The following DLG2 variants were observed in gnomAD, a reference collection of about 807,000 sequenced individuals.
The protein encoded by DLG2 is discs large MAGUK scaffold protein 2.
DLG2 carries 45 observed loss-of-function variants against 132.5 expected under a neutral mutation model. That is an observed-to-expected ratio of 0.34 (90% confidence interval 0.27 to 0.44). The LOEUF (loss-of-function observed/expected upper bound fraction) is 0.44. Among genes scored for constraint, DLG2 ranks in the 20% least tolerant of loss-of-function variants. The probability of loss-of-function intolerance (pLI) is 1.00; values close to 1 mark genes in which losing one functional copy is unlikely to be tolerated. For missense variants in DLG2, 1,045 were observed against 1,196.9 expected (o/e 0.87, Z 1.87); for synonymous variants, 424 against 419.6 (o/e 1.01, Z -0.13).
chr11:84,424,917 G>A (rs566535193), intron 7 of DLG2, among the ~76,000 whole-genome samples: 2 of 152,116 alleles, frequency 1.3e-5, no homozygotes, highest in Admixed American at 1.3e-4. Context: ...GAGGGTCTGG[G>A]CAAGACAGAA....
At chr11:85,316,367 G>T (rs974805139) in intron 3 of DLG2, among the ~76,000 whole-genome samples, 1 of 151,958 alleles carries the variant, frequency 6.6e-6, no homozygotes, top group Non-Finnish European at 1.5e-5. Context: ...TTAGTTATTT[G>T]AGCATGAGAT....
At chr11:85,062,308 G>T (rs2064237156) in intron 6 of DLG2, among the ~76,000 whole-genome samples, 1 of 151,686 alleles carries the variant, frequency 6.6e-6, no homozygotes, top group African/African-American at 2.4e-5. Flanking sequence ...GATTTAATTT[G>T]TGTTTGATCA....
intron 6 of DLG2, among the ~76,000 whole-genome samples, chr11:85,093,079 T>C (rs2069075083): frequency 6.6e-6 from 1 of 152,232 alleles, no homozygotes; most frequent in Admixed American, 6.5e-5. Context: ...TTTTCGACTG[T>C]GGGGTGAGTT....
At chr11:84,188,222 A>G (rs1329197209) in intron 8 of DLG2, among the ~76,000 whole-genome samples, 1 of 152,104 alleles carries the variant, frequency 6.6e-6, no homozygotes, top group Non-Finnish European at 1.5e-5. Context: ...TTATATAGGG[A>G]TATATGCAAA....
intron 11 of DLG2, among the ~76,000 whole-genome samples, chr11:84,033,855 A>G (rs936994422): frequency 6.6e-6 from 1 of 152,190 alleles, no homozygotes; most frequent in Admixed American, 6.6e-5. Flanking sequence ...CCTGACCAAC[A>G]TGGAGAAACT....
chr11:85,413,296 G>A lies in DLG2; in HGVS notation c.41-127931C>T, dbSNP rs1456984840. The stretch of plus-strand genomic sequence containing the variant: ...TAGTTTGAGTTCATTGTAGATTCTA[G>A]ATATTAATCCTTTGTCTGATGTATA... On this transcript the variant is annotated intron_variant, in intron 3 of 27. Transcript: ENST00000376104. Among the ~76,000 whole-genome samples, 5 of 152,012 alleles carry A rather than the reference G, an allele frequency of 3.3e-5. No individual in the cohort carries two copies. In the East Asian group the frequency reaches 9.7e-4, roughly 29 times the overall value.
chr11:84,744,856 A>G (rs995456176), intron 6 of DLG2, among the ~76,000 whole-genome samples: 7 of 151,116 alleles, frequency 4.6e-5, no homozygotes, highest in African/African-American at 1.7e-4. Context: ...TTGAACTACG[A>G]AAGTTTCTGC....
intron 15 of DLG2, among the ~76,000 whole-genome samples, chr11:83,876,973 A>C (rs1180963520): frequency 6.6e-6 from 1 of 152,154 alleles, no homozygotes; most frequent in African/African-American, 2.4e-5. Flanking sequence ...TACGGCTTTA[A>C]TATTATAAAC....
At chr11:83,942,827 T>C (rs1166582251) in intron 14 of DLG2, among the ~76,000 whole-genome samples, 1 of 152,374 alleles carries the variant, frequency 6.6e-6, no homozygotes, top group East Asian at 1.9e-4. Context: ...TGTGAGGTAA[T>C]GAATATGTTA....
At chr11:84,996,834 C>T (rs2057698881) in intron 6 of DLG2, among the ~76,000 whole-genome samples, 1 of 152,122 alleles carries the variant, frequency 6.6e-6, no homozygotes, top group South Asian at 2.1e-4. Context: ...AGGAAGAAAG[C>T]TTTAAAATAA....
chr11:83,781,094 A>C (rs1035105112), intron 18 of DLG2, among the ~76,000 whole-genome samples: 2 of 152,238 alleles, frequency 1.3e-5, no homozygotes, highest in Non-Finnish European at 1.5e-5. Flanking sequence ...TGTAGACAAC[A>C]TTTAGTAGAA....
intron 2 of DLG2, among the ~76,000 whole-genome samples, chr11:85,611,502 A>G (rs2080997330): frequency 2.0e-5 from 3 of 152,198 alleles, no homozygotes; most frequent in Admixed American, 2.0e-4. Context: ...TTAGAAGTCC[A>G]CTTAGACTGA....
At chr11:84,923,382 C>T in intron 6 of DLG2, 2 of 1,140,250 alleles carry the variant, frequency 1.8e-6, no homozygotes, top group Non-Finnish European at 2.1e-6. Context: ...AAGTTAAGAC[C>T]TCAGTTGCTT....
intron 18 of DLG2, among the ~76,000 whole-genome samples, chr11:83,747,770 T>C (rs1217965492): frequency 4.6e-5 from 7 of 151,980 alleles, no homozygotes; most frequent in Admixed American, 2.6e-4. Context: ...TCATATGAAG[T>C]TTCTGTTTAT....
intron 6 of DLG2, among the ~76,000 whole-genome samples, chr11:84,845,682 CTTT>C (rs11411513): frequency 1.2e-4 from 16 of 138,760 alleles, no homozygotes; most frequent in Admixed American, 2.9e-4. Context: ...GATCGTCACT[CTTT>C]TTTTTTTTTT....
intron 18 of DLG2, among the ~76,000 whole-genome samples, chr11:83,633,655 A>G (rs2063986327): frequency 6.6e-6 from 1 of 151,738 alleles, no homozygotes; most frequent in Non-Finnish European, 1.5e-5. Context: ...GGCAATGTAA[A>G]GTATCCTTGT....
chr11:83,568,365 A>C (rs2096743099), intron 19 of DLG2, among the ~76,000 whole-genome samples: 1 of 152,096 alleles, frequency 6.6e-6, no homozygotes, highest in Admixed American at 6.6e-5. Context: ...GGCTGGGAGA[A>C]ATTTGCAAAG....
chr11:84,005,961 C>A (rs2094554272), intron 11 of DLG2, among the ~76,000 whole-genome samples: 1 of 151,794 alleles, frequency 6.6e-6, no homozygotes, highest in Non-Finnish European at 1.5e-5. Flanking sequence ...TACAATCCAG[C>A]AATCTCACTA....
At chr11:85,581,901 A>G (rs2078552048) in intron 3 of DLG2, among the ~76,000 whole-genome samples, 1 of 152,180 alleles carries the variant, frequency 6.6e-6, no homozygotes, top group South Asian at 2.1e-4. Flanking sequence ...GGTGAGGTAT[A>G]TTGCATTTGA....
Sources: gnomAD v4.1 joint callset for allele counts (sites outside exome capture counted in the v4.1 genomes callset) on GRCh38, gnomAD v4.1.1 for gene constraint, MANE v1.5 for transcripts, NCBI Gene and HGNC (gene_info 2026-07-23, HGNC 2026-07-21) for gene names.